The following SLC1A1 variants were observed in gnomAD, a reference collection of about 807,000 sequenced individuals.
SLC1A1 encodes excitatory amino acid transporter 3.
SLC1A1 carries 43 observed loss-of-function variants against 53.3 expected under a neutral mutation model. That is an observed-to-expected ratio of 0.81 (90% confidence interval 0.63 to 1.04). The LOEUF is 1.04. Ranked by LOEUF, SLC1A1 falls within the 50% of genes least tolerant of loss-of-function variation. SLC1A1 has a pLI of 0.00. For missense variants in SLC1A1, 748 were observed against 664.9 expected, an observed-to-expected ratio of 1.12 and a Z score of -1.37; for synonymous variants, 307 against 243.2, an observed-to-expected ratio of 1.26 and a Z score of -2.44.
chr9:4,570,083 A>G (rs1819879690), intron 6 of SLC1A1, among the ~76,000 whole-genome samples: 1 of 152,192 alleles, frequency 6.6e-6, no homozygotes, highest in Non-Finnish European at 1.5e-5. Flanking sequence ...CATCTTTCTG[A>G]AACATGCTTT....
chr9:4,500,920 C>T (rs1450235416), intron 1 of SLC1A1, among the ~76,000 whole-genome samples: 7 of 152,166 alleles, frequency 4.6e-5, no homozygotes, highest in Admixed American at 3.3e-4. Context: ...GGCCCAGCCT[C>T]GGCTATGTGA....
In SLC1A1 at chr9:4,574,569, T is replaced by C. The variant is rs983997902; in HGVS notation, c.875+555T>C. 5.4e-4 allele frequency among the ~76,000 whole-genome samples: 82 copies of C among 152,160 alleles called. 1 individual carries two copies. The highest frequency in any genetic ancestry group is 1.9e-3 in the African/African-American group (79 of 41,518). Reference sequence around the variant, plus strand: ...GCTGGGAGGAATTGTGTGGGCCTTTTTGGAAGCCATTAAACAGGAAGGCAG... The same window carrying C: ...GCTGGGAGGAATTGTGTGGGCCTTTCTGGAAGCCATTAAACAGGAAGGCAG... On this transcript the variant is annotated intron_variant, in intron 8 of 11. Coordinates refer to ENST00000262352, the MANE Select transcript of SLC1A1 (RefSeq NM_004170.6).
rs778701407 is a variant in SLC1A1 at position 4,576,768 on chromosome 9, G to T, written c.1193+5G>T. ...TGGGCAGATCATCACCATCAGGTGG[G>T]GCATGGTGTCACATTCATTGTCATC... On this transcript the variant is annotated splice_donor_5th_base_variant and intron_variant, in intron 10 of 11. Transcript: ENST00000262352. The T allele has an allele frequency of 1.1e-5, 17 of 1,612,566 alleles. No homozygotes were observed. The highest frequency in any genetic ancestry group is 4.4e-5 in the South Asian group (4 of 91,046).
intron 1 of SLC1A1, among the ~76,000 whole-genome samples, chr9:4,529,927 A>G (rs967495939): frequency 1.3e-5 from 2 of 152,206 alleles, no homozygotes; most frequent in Non-Finnish European, 2.9e-5. Flanking sequence ...TGTAAGATAC[A>G]TGCCTTGAAT....
chr9:4,579,425 T>C (rs1218858643), intron 10 of SLC1A1, among the ~76,000 whole-genome samples: 1 of 152,254 alleles, frequency 6.6e-6, no homozygotes, highest in Non-Finnish European at 1.5e-5. Context: ...TTTTGTGTAT[T>C]TGACACTTTG....
chr9:4,492,839 G>C (rs1033426486), intron 1 of SLC1A1, among the ~76,000 whole-genome samples: 6 of 151,898 alleles, frequency 4.0e-5, no homozygotes, highest in South Asian at 2.1e-4. Flanking sequence ...ACATTGGCTT[G>C]AGTCTCCCTC....
At position 4,556,481 on chromosome 9, in the gene SLC1A1, C is replaced by T. The variant is rs956355287; in HGVS notation, c.233-4968C>T. On this transcript the variant is annotated intron_variant, in intron 2 of 11. Coordinates refer to ENST00000262352, the MANE Select transcript of SLC1A1 (RefSeq NM_004170.6). This position sits in a 1 kb window ranked among gnomAD's most constrained non-coding sequence, Gnocchi z 4.1. ...GACAGCTTTCAACTCCCAGGAGAAA[C>T]GAGTTCTGATAGTGAACTGTAAAGA... Among the ~76,000 whole-genome samples the T allele has an allele frequency of 3.3e-5, 5 of 152,182 alleles. No homozygotes were observed. Among genetic ancestry groups the T allele is most frequent in the African/African-American group, 4.8e-5 (2 of 41,438 alleles).
chr9:4,585,519 G>T lies in SLC1A1; in HGVS notation c.1536G>T (p.Lys512Asn). 6.2e-7 allele frequency: 1 copy of T among 1,614,216 alleles called. No homozygotes were observed. The change falls in exon 12 of 12, where the codon AAG becomes AAT. Residue 512 changes from lysine (K) to asparagine (N), a missense_variant. Physicochemically the swap from Lys to Asn is moderately conservative, Grantham distance 94. Transcript: ENST00000262352. ...SYVNGGFAVD[K>N]SDTISFTQTS... ...TCAATGGAGGCTTTGCAGTAGACAAGTCTGACACCATCTCATTCACCCAGA... is the reference window on the plus strand; with the variant it reads ...TCAATGGAGGCTTTGCAGTAGACAATTCTGACACCATCTCATTCACCCAGA...
At chr9:4,550,321 T>C (rs1240860840) in intron 2 of SLC1A1, among the ~76,000 whole-genome samples, 1 of 152,222 alleles carries the variant, frequency 6.6e-6, no homozygotes, top group African/African-American at 2.4e-5. Context: ...TTACTCCAGC[T>C]TTCATGTTAG....
rs567547471 is a variant in SLC1A1 at position 4,582,436 on chromosome 9, T to C, written c.1194-602T>C. 6.0e-4 allele frequency among the ~76,000 whole-genome samples: 91 copies of C among 152,342 alleles called. 2 individuals are homozygous for C. Among genetic ancestry groups the C allele is most frequent in the African/African-American group, 2.1e-3 (89 of 41,576 alleles). Reference sequence around the variant, plus strand: ...AGCAGTTCCCAGAGGTAAAGAGTCCTGTGATGTCAAGAGAGTGCATAAAGC... The same window carrying C: ...AGCAGTTCCCAGAGGTAAAGAGTCCCGTGATGTCAAGAGAGTGCATAAAGC... On this transcript the variant is annotated intron_variant, in intron 10 of 11. Transcript: ENST00000262352.
chr9:4,491,873 C>T (rs1443176909), intron 1 of SLC1A1, among the ~76,000 whole-genome samples: 1 of 152,212 alleles, frequency 6.6e-6, no homozygotes, highest in African/African-American at 2.4e-5. Flanking sequence ...AACTGCTGCT[C>T]CTAAATCTCA....
intron 1 of SLC1A1, among the ~76,000 whole-genome samples, chr9:4,497,644 A>C (rs1036782629): frequency 3.0e-4 from 46 of 152,210 alleles, no homozygotes; most frequent in Non-Finnish European, 1.5e-4. Flanking sequence ...CTATGTCAGC[A>C]ACATAGATTA....
At chr9:4,515,465 G>A (rs902521352) in intron 1 of SLC1A1, among the ~76,000 whole-genome samples, 4 of 152,148 alleles carry the variant, frequency 2.6e-5, no homozygotes, top group African/African-American at 9.7e-5. Context: ...AGTCCCAGCA[G>A]GTAATTGTAT....
At chr9:4,510,897 C>A (rs1020880026) in intron 1 of SLC1A1, among the ~76,000 whole-genome samples, 4 of 152,198 alleles carry the variant, frequency 2.6e-5, no homozygotes, top group African/African-American at 9.7e-5. Flanking sequence ...TTCAGCTCCA[C>A]CGTAAACAAA....
At chr9:4,534,360 TA>T (rs1816594187) in intron 1 of SLC1A1, among the ~76,000 whole-genome samples, 2 of 151,852 alleles carry the variant, frequency 1.3e-5, no homozygotes, top group Admixed American at 1.3e-4. Flanking sequence ...CAGATGCAAT[TA>T]AAAAATGATA....
rs541147358 is a variant in SLC1A1 at position 4,587,302 on chromosome 9, C to T, written c.*1744C>T. 6.6e-6 allele frequency: 1 copy of T among 152,154 alleles called. No individual in the cohort carries two copies. The highest frequency in any genetic ancestry group is 2.1e-4 in the South Asian group (1 of 4,810). 9.4% of individuals were successfully genotyped at this position (152,154 alleles called of 1,614,324 possible). ...TTATCTTGGGCTAAATGGTTCTACCCCTTACTAGGTTGCCCCAATTAGTGG... is the reference window on the plus strand; with the variant it reads ...TTATCTTGGGCTAAATGGTTCTACCTCTTACTAGGTTGCCCCAATTAGTGG... On this transcript the variant is annotated 3_prime_UTR_variant, in exon 12 of 12. Transcript: ENST00000262352.
At chr9:4,491,153 C>T (rs1448914039) in intron 1 of SLC1A1, among the ~76,000 whole-genome samples, 1 of 152,238 alleles carries the variant, frequency 6.6e-6, no homozygotes, top group African/African-American at 2.4e-5. Flanking sequence ...CTTCCTCACC[C>T]CACACCCCCA....
chr9:4,575,690 C>T (rs1389741456), intron 8 of SLC1A1, among the ~76,000 whole-genome samples: 1 of 152,110 alleles, frequency 6.6e-6, no homozygotes, highest in African/African-American at 2.4e-5. Context: ...AAAAAGGGCA[C>T]TTTTGTGCAT....
chr9:4,579,127 C>G lies in SLC1A1; in HGVS notation c.1193+2364C>G, dbSNP rs999584423. Among the ~76,000 whole-genome samples the G allele has an allele frequency of 2.6e-5, 4 of 152,224 alleles. No homozygotes were observed. The East Asian group carries it at 7.7e-4, about 29-fold the overall frequency. On this transcript the variant is annotated intron_variant, in intron 10 of 11. Coordinates refer to ENST00000262352, the MANE Select transcript of SLC1A1 (RefSeq NM_004170.6). ...CAAAATACACCATTTGGCACACCAGCTGGGGAACTATCCCAATGCTGTGTA... is the reference window on the plus strand; with the variant it reads ...CAAAATACACCATTTGGCACACCAGGTGGGGAACTATCCCAATGCTGTGTA...
Sources: allele counts gnomAD v4.1 joint callset (sites outside exome capture counted in the v4.1 genomes callset), GRCh38; gene constraint gnomAD v4.1.1; non-coding constraint Gnocchi (gnomAD v3.1); transcripts MANE v1.5; gene names NCBI Gene and HGNC (gene_info 2026-07-23, HGNC 2026-07-21).